SAMD4B: variants seen among roughly 807,000 people sequenced by gnomAD.
SAMD4B encodes the protein sterile alpha motif domain containing 4B, also known as protein Smaug homolog 2.
Under a neutral mutation model 74.5 loss-of-function variants are expected in SAMD4B, and 5 were observed. The ratio of observed to expected loss-of-function variants is 0.07; its 90% CI spans 0.04 to 0.14. SAMD4B has a LOEUF of 0.14. SAMD4B is among the 10% of genes least tolerant of loss of function. The pLI is 1.00. For missense variants in SAMD4B, 608 were observed against 921.8 expected (o/e 0.66, Z 4.41); for synonymous variants, 373 against 374.9 (o/e 1.00, Z 0.06).
At chr19:39,380,969 C>G (rs2077942919) in intron 11 of SAMD4B, 21 bp from the exon 12 acceptor site, 1 of 1,587,282 alleles carries the variant, frequency 6.3e-7, no homozygotes, top group Non-Finnish European at 8.6e-7. Flanking sequence ...ACTACTTTCT[C>G]TCTTCCTGGG....
intron 9 of SAMD4B, 152 bp from the exon 10 acceptor site, chr19:39,379,814 A>G (rs935089286): frequency 8.5e-6 from 5 of 585,316 alleles, no homozygotes; most frequent in Non-Finnish European, 1.2e-5. Flanking sequence ...CAAGTGATCC[A>G]CCCGCCTCAG....
intron 3 of SAMD4B, among the ~76,000 whole-genome samples, chr19:39,368,978 G>C (rs2077134956): frequency 6.6e-6 from 1 of 152,158 alleles, no homozygotes; most frequent in African/African-American, 2.4e-5. Flanking sequence ...TTTTGGCAGG[G>C]GAAATGGCAT....
In SAMD4B at chr19:39,342,442, A is replaced by G. The variant is rs1366635786; in HGVS notation, c.-401A>G. 4.5e-5 allele frequency: 8 copies of G among 177,584 alleles called. No homozygotes were observed. Among genetic ancestry groups the G allele is most frequent in the South Asian group, 1.7e-4 (1 of 5,968 alleles). 11.0% of individuals were successfully genotyped at this position (177,584 alleles called of 1,614,324 possible). On this transcript the variant is annotated 5_prime_UTR_variant, in exon 1 of 14. Transcript: ENST00000610417. ...ACGCACGGCGCGGTGACGCAGCGCGACGGCGGCGGCGGCGGCGGCGGCGGT... is the reference window on the plus strand; with the variant it reads ...ACGCACGGCGCGGTGACGCAGCGCGGCGGCGGCGGCGGCGGCGGCGGCGGT...
At chr19:39,374,758 T>C (rs1343304942) in intron 4 of SAMD4B, among the ~76,000 whole-genome samples, 2 of 152,138 alleles carry the variant, frequency 1.3e-5, no homozygotes, top group African/African-American at 4.8e-5. Flanking sequence ...GGGGAATTGC[T>C]TGAACCCAGG....
intron 3 of SAMD4B, among the ~76,000 whole-genome samples, chr19:39,363,617 A>C (rs2076780771): frequency 6.6e-6 from 1 of 152,188 alleles, no homozygotes; most frequent in South Asian, 2.1e-4. Flanking sequence ...TCTTTACAAC[A>C]ATCCTGTGAG....
Position 39,377,655 on chromosome 19 carries a change from T to G in SAMD4B, c.1275T>G (p.Pro425=). The change falls in exon 8 of 14, where the codon CCT becomes CCG. Residue 425 remains proline, a synonymous_variant. Coordinates refer to ENST00000610417, the MANE Select transcript of SAMD4B (RefSeq NM_001384574.2). ...PGEPPLPGAE[P]PLAHPGTDKG... is the part of the protein sequence containing the mutation. ...AACCACCGCTGCCAGGTGCTGAGCC[T>G]CCCCTAGCCCACCCCGGCACAGACA... is the stretch of plus-strand genomic sequence containing the variant. 2 of 1,613,906 alleles carry G rather than the reference T, an allele frequency of 1.2e-6. No homozygotes were observed. Among genetic ancestry groups the G allele is most frequent in the Non-Finnish European group, 1.7e-6 (2 of 1,179,908 alleles).
chr19:39,363,752 C>G (rs956690326), intron 3 of SAMD4B, among the ~76,000 whole-genome samples: 3 of 152,226 alleles, frequency 2.0e-5, no homozygotes, highest in Non-Finnish European at 4.4e-5. Flanking sequence ...GCAAGTTTGC[C>G]TGTTGAACTT....
chr19:39,390,150 A>G, downstream of SAMD4B: 1 of 1,613,984 alleles, frequency 6.2e-7, no homozygotes, highest in Non-Finnish European at 8.5e-7. Flanking sequence ...GACTCGGCAG[A>G]CCACTCCAGA....
At chr19:39,348,140 C>G (rs1444849818) in intron 1 of SAMD4B, 1 of 152,166 alleles carries the variant, frequency 6.6e-6, no homozygotes, top group East Asian at 1.9e-4. Flanking sequence ...AGCATTGTTA[C>G]ATGCAGAAAA....
At chr19:39,354,137 G>A (rs1428946053) in intron 2 of SAMD4B, 71 bp downstream of exon 2, 1 of 152,186 alleles carries the variant, frequency 6.6e-6, no homozygotes, top group African/African-American at 2.4e-5. Context: ...GAACAGACTA[G>A]CTCCGTGATC....
At chr19:39,362,097 G>T (rs984386516) in intron 3 of SAMD4B, among the ~76,000 whole-genome samples, 2 of 152,118 alleles carry the variant, frequency 1.3e-5, no homozygotes, top group African/African-American at 4.8e-5. Context: ...CTTGGGTGTG[G>T]GTCAGAGCTG....
At chr19:39,342,935 C>G (rs140447088) in intron 1 of SAMD4B, among the ~76,000 whole-genome samples, 1 of 151,578 alleles carries the variant, frequency 6.6e-6, no homozygotes, top group Non-Finnish European at 1.5e-5. Flanking sequence ...GAAAGGTCCC[C>G]GCAAAACCCA....
At position 39,375,562 on chromosome 19, in the gene SAMD4B, C is replaced by G. The variant is rs1209141379; in HGVS notation, c.668-88C>G. 6 of 1,519,500 alleles carry G rather than the reference C, an allele frequency of 3.9e-6. No individual in the cohort carries two copies. Among genetic ancestry groups the G allele is most frequent in the Non-Finnish European group, 3.6e-6 (4 of 1,122,118 alleles). The allele number at this position is 1,519,500 out of a possible 1,614,324, so 94.1% of individuals were successfully genotyped here. On this transcript the variant is annotated intron_variant, in intron 4 of 13. Transcript: ENST00000610417. The surrounding 1 kb of genome is among the most constrained non-coding windows in gnomAD (Gnocchi z 4.1). The stretch of plus-strand genomic sequence containing the variant: ...CCTCTTGGCAGGTTATGGGGCCAAA[C>G]TGCCATCCTGGCACTGACGGCAGGG...
downstream of SAMD4B, chr19:39,387,018 A>G (rs2078266846): frequency 3.3e-6 from 2 of 605,408 alleles, no homozygotes; most frequent in South Asian, 3.8e-5. Flanking sequence ...TGGTTGCCCT[A>G]CACTGTGTGT....
At position 39,383,215 on chromosome 19, in the gene SAMD4B, G is replaced by C; in HGVS notation, c.1980G>C (p.Pro660=). The change falls in exon 13 of 14, where the codon CCG becomes CCC. Residue 660 remains proline (P), a synonymous_variant. Transcript: ENST00000610417. This position sits in a 1 kb window ranked among gnomAD's most constrained non-coding sequence, Gnocchi z 4.1. ...QAILMFPPDC[P]VPGPDLEINP... is the part of the protein sequence containing the mutation. Reference sequence around the variant, plus strand: ...CTCCTCTCTCCCACCCAGACTGCCCGGTTCCTGGGCCTGACCTGGAGATCA... The same window carrying C: ...CTCCTCTCTCCCACCCAGACTGCCCCGTTCCTGGGCCTGACCTGGAGATCA... The C allele has an allele frequency of 6.2e-7, 1 of 1,614,032 alleles. No individual in the cohort carries two copies. The highest frequency in any genetic ancestry group is 8.5e-7 in the Non-Finnish European group (1 of 1,179,980).
At chr19:39,358,439 A>G (rs2076459348) in intron 3 of SAMD4B, among the ~76,000 whole-genome samples, 3 of 152,016 alleles carry the variant, frequency 2.0e-5, no homozygotes, top group African/African-American at 7.2e-5. Context: ...TTTAGTAGAG[A>G]CGGGGCTTCA....
chr19:39,356,146 C>G (rs908808921), intron 2 of SAMD4B, among the ~76,000 whole-genome samples: 2 of 152,168 alleles, frequency 1.3e-5, no homozygotes, highest in African/African-American at 4.8e-5. Context: ...ACCAGGGTCA[C>G]TACCCGACCA....
At position 39,355,489 on chromosome 19, in the gene SAMD4B, G is replaced by A. The variant is rs1261931481; in HGVS notation, c.-205-1200G>A. On this transcript the variant is annotated intron_variant, in intron 2 of 13. Transcript: ENST00000610417. The stretch of plus-strand genomic sequence containing the variant: ...AGCTCCCTTAGACCTGAGCCCAGTA[G>A]GTTCAATGGGTCTTTGTATGAAGTT... Among the ~76,000 whole-genome samples the A allele has an allele frequency of 3.3e-5, 5 of 152,260 alleles. No individual in the cohort carries two copies. The East Asian group carries it at 9.7e-4, about 29-fold the overall frequency.
chr19:39,342,726 T>G (rs1240074500), intron 1 of SAMD4B, 150 bp downstream of exon 1: 3 of 151,628 alleles, frequency 2.0e-5, no homozygotes, highest in Non-Finnish European at 4.4e-5. Context: ...AACGCGGGCC[T>G]CGGGGGGCCG....
Sources: gnomAD v4.1 joint callset for allele counts (sites outside exome capture counted in the v4.1 genomes callset) on GRCh38, gnomAD v4.1.1 for gene constraint, Gnocchi (gnomAD v3.1) non-coding constraint, MANE v1.5 for transcripts, NCBI Gene and HGNC (gene_info 2026-07-23, HGNC 2026-07-21) for gene names.